The following SIGIRR variants were observed in gnomAD, a reference collection of about 807,000 sequenced individuals.
SIGIRR encodes the protein single Ig IL-1-related receptor.
A neutral mutation model predicts 45.6 loss-of-function variants in SIGIRR; 41 were observed. The observed-to-expected ratio is 0.90, with a 90% CI of 0.70 to 1.17. SIGIRR has a LOEUF of 1.17. SIGIRR is among the 50% of genes most tolerant of loss of function. The probability of loss-of-function intolerance (pLI) is 0.00; values close to 1 mark genes in which losing one functional copy is unlikely to be tolerated. For synonymous variants in SIGIRR, 298 were observed against 239.0 expected (o/e 1.25, Z -2.28); for missense variants, 599 against 539.6 (o/e 1.11, Z -1.09).
rs777341952 is a variant in SIGIRR, at chr11:408,925, G to A, written c.8-32C>T. On this transcript the variant is annotated intron_variant, in intron 2 of 9. Coordinates refer to ENST00000431843, the MANE Select transcript of SIGIRR (RefSeq NM_001135054.2). The stretch of plus-strand genomic sequence containing the variant: ...AGAGAGGACACAGTGGGTCAGCTGT[G>A]CCAGGGTGCCTGGCCCCACCACCTC... The A allele has an allele frequency of 3.7e-6, 6 of 1,605,582 alleles. No individual in the cohort carries two copies. In the East Asian group the frequency reaches 1.1e-4, roughly 30 times the overall value.
chr11:407,660 A>G, intron 5 of SIGIRR, 92 bp from the exon 6 acceptor site: 1 of 1,557,752 alleles, frequency 6.4e-7, no homozygotes, highest in Non-Finnish European at 8.7e-7. Context: ...CCACGTGCAC[A>G]GGGGCAGACC....
upstream of SIGIRR, among the ~76,000 whole-genome samples, chr11:415,269 G>A (rs1847850944): frequency 6.6e-6 from 1 of 150,684 alleles, no homozygotes; most frequent in South Asian, 2.1e-4. The surrounding 1 kb of genome is among the most constrained non-coding windows in gnomAD (Gnocchi z 6.6). Context: ...CTGCGTGTGT[G>A]CAATGTGTGT....
Position 411,672 on chromosome 11 carries a change from C to T in SIGIRR, c.-153-1645G>A, listed in dbSNP as rs138374252. ...AGCTCTGACCATGTCTGGATACAGT[C>T]GGTGGGGGTTGCCCAGCTCTGACCA... is the stretch of plus-strand genomic sequence containing the variant. On this transcript the variant is annotated intron_variant, in intron 1 of 9. Coordinates refer to ENST00000431843, the MANE Select transcript of SIGIRR (RefSeq NM_001135054.2). 9.2e-3 allele frequency among the ~76,000 whole-genome samples: 767 copies of T among 83,058 alleles called. 29 individuals carry two copies. The highest frequency in any genetic ancestry group is 0.029 in the Middle Eastern group (2 of 70). 54.5% of individuals were successfully genotyped at this position (83,058 alleles called of 152,430 possible).
chr11:411,699 G>A (rs1477356843), intron 1 of SIGIRR, among the ~76,000 whole-genome samples: 3 of 78,252 alleles, frequency 3.8e-5, no homozygotes, highest in African/African-American at 1.5e-4. Flanking sequence ...CTCTGACCAT[G>A]TCTGGATACA....
Position 406,486 on chromosome 11 carries a change from A to G in SIGIRR, c.932T>C (p.Val311Ala), listed in dbSNP as rs1847309229. 9.3e-6 allele frequency: 15 copies of G among 1,611,960 alleles called. No homozygotes were observed. Among genetic ancestry groups the G allele is most frequent in the Non-Finnish European group, 1.2e-5 (14 of 1,179,482 alleles). ...GTCTCCTTCCACAGGCCTGTACTGC[A>G]CCTTCCGCGGCAGCGCCAGCTGCAC... is the stretch of plus-strand genomic sequence containing the variant. ...KEVQLALPRKVQYRPVEGDPQ... is the reference protein window; with the variant it reads ...KEVQLALPRKAQYRPVEGDPQ... Residue 311 changes from valine (V) to alanine (A), a missense_variant, in exon 9 of 10, where the codon GTG becomes GCG. Transcript: ENST00000431843.
At chr11:409,700 T>G in intron 2 of SIGIRR, 168 bp downstream of exon 2, 2 of 675,810 alleles carry the variant, frequency 3.0e-6, no homozygotes, top group South Asian at 4.3e-5. Context: ...CTCGCCCTGG[T>G]TTCAGGGCCA....
chr11:409,737 G>T, intron 2 of SIGIRR, 131 bp downstream of exon 2: 17 of 1,053,866 alleles, frequency 1.6e-5, no homozygotes, highest in Non-Finnish European at 2.2e-5. Context: ...GGTGAGCAGG[G>T]GCCTTTGTAC....
chr11:409,850 C>T lies in SIGIRR; in HGVS notation c.7+18G>A. 7.5e-7 allele frequency: 1 copy of T among 1,340,062 alleles called. No individual in the cohort carries two copies. Among genetic ancestry groups the T allele is most frequent in the Non-Finnish European group, 9.6e-7 (1 of 1,039,938 alleles). 83.0% of individuals were successfully genotyped at this position (1,340,062 alleles called of 1,614,324 possible). A position where few individuals can be genotyped will look rare whatever the true frequency, so the allele number is the denominator to read the frequency against. The stretch of plus-strand genomic sequence containing the variant: ...TGGGAGTGGGGAATTCAAGCCCATC[C>T]CTCTCTGACCTGCCTACCTGGCATG... On this transcript the variant is annotated intron_variant, in intron 2 of 9. Transcript: ENST00000431843.
At position 406,456 on chromosome 11, in the gene SIGIRR, TG is replaced by T. The variant is rs1170458074; in HGVS notation, c.961del (p.Gln321ArgfsTer12). On this transcript the variant is annotated frameshift_variant, in exon 9 of 10. Coordinates refer to ENST00000431843, the MANE Select transcript of SIGIRR (RefSeq NM_001135054.2). LOFTEE classifies it high-confidence loss of function. ...VQYRPVEGDP[Q>X]TQLQDDKDPM... Reference sequence around the variant, plus strand: ...GTCCTTGTCGTCCTGCAGCTGCGTCTGGGGGTCTCCTTCCACAGGCCTGTAC... The same window carrying T: ...GTCCTTGTCGTCCTGCAGCTGCGTCTGGGGTCTCCTTCCACAGGCCTGTAC... 6.2e-7 allele frequency: 1 copy of T among 1,612,508 alleles called. No individual in the cohort carries two copies. Among genetic ancestry groups the T allele is most frequent in the African/African-American group, 1.3e-5 (1 of 74,938 alleles).
chr11:410,145 G>T, intron 1 of SIGIRR, 118 bp from the exon 2 acceptor site: 1 of 934,108 alleles, frequency 1.1e-6, no homozygotes, highest in Non-Finnish European at 1.4e-6. Flanking sequence ...CATGGATGCT[G>T]GCAGAGTTCT....
intron 1 of SIGIRR, among the ~76,000 whole-genome samples, chr11:413,152 C>T (rs1847748061): frequency 6.6e-6 from 1 of 152,158 alleles, no homozygotes; most frequent in Non-Finnish European, 1.5e-5. Context: ...ACCCCAGCTC[C>T]CTCAGGATTC....
Position 407,113 on chromosome 11 carries a change from A to ATC in SIGIRR, c.676_677insGA (p.Val226GlyfsTer9). 2 of 1,524,614 alleles carry ATC rather than the reference A, an allele frequency of 1.3e-6. No homozygotes were observed. Among genetic ancestry groups the ATC allele is most frequent in the South Asian group, 1.3e-5 (1 of 79,356 alleles). The allele number at this position is 1,524,614 out of a possible 1,614,324, so 94.4% of individuals were successfully genotyped here. On this transcript the variant is annotated frameshift_variant, in exon 7 of 10. Transcript: ENST00000431843. LOFTEE classifies it high-confidence loss of function. The stretch of plus-strand genomic sequence containing the variant: ...GCTCAGGAAGGCGTCCGAAAGCACC[A>ATC]CGATGAGGCGTCGGCAGCGGCTCAG...
intron 2 of SIGIRR, chr11:409,195 GC>G: frequency 2.0e-6 from 1 of 497,440 alleles, no homozygotes; most frequent in Non-Finnish European, 3.7e-6. Flanking sequence ...TGTGAGTCCA[GC>G]CCCCCATTTC....
rs754735971 is a variant in SIGIRR at position 408,686 on chromosome 11, G to C, written c.206+9C>G. 9.3e-6 allele frequency: 15 copies of C among 1,612,402 alleles called. No individual in the cohort carries two copies. The highest frequency in any genetic ancestry group is 5.1e-6 in the Non-Finnish European group (6 of 1,179,852). On this transcript the variant is annotated intron_variant, in intron 3 of 9. Transcript: ENST00000431843. ...GGTCACTCTGACCCTGGATACCCGG[G>C]TCTCTTACCAGGAGTACTCGTGGAG... is the stretch of plus-strand genomic sequence containing the variant.
upstream of SIGIRR, among the ~76,000 whole-genome samples, chr11:416,742 G>A (rs1180767237): frequency 6.6e-6 from 1 of 152,158 alleles, no homozygotes; most frequent in Non-Finnish European, 1.5e-5. The surrounding 1 kb of genome is among the most constrained non-coding windows in gnomAD (Gnocchi z 9.1). Context: ...CGCAGGCCGA[G>A]GGGCTCTGGT....
chr11:406,160 G>C, intron 9 of SIGIRR, 101 bp from the exon 10 acceptor site: 1 of 1,537,844 alleles, frequency 6.5e-7, no homozygotes, highest in South Asian at 1.2e-5. Context: ...GTGATGGCCT[G>C]TGAGGCCCAG....
chr11:405,855 G>A lies in SIGIRR; in HGVS notation c.*41C>T, dbSNP rs1847263203. 1.3e-6 allele frequency: 2 copies of A among 1,549,570 alleles called. No homozygotes were observed. Among genetic ancestry groups the A allele is most frequent in the Middle Eastern group, 1.7e-4 (1 of 5,730 alleles). ...AGCAGAGGAGCGACGCCGCTGCCCT[G>A]GCCCCCGCTGTCCCTATGATCCTGC... On this transcript the variant is annotated 3_prime_UTR_variant, in exon 10 of 10. Coordinates refer to ENST00000431843, the MANE Select transcript of SIGIRR (RefSeq NM_001135054.2).
At position 406,956 on chromosome 11, in the gene SIGIRR, G is replaced by A; in HGVS notation, c.766C>T (p.Pro256Ser). The A allele has an allele frequency of 2.5e-6, 4 of 1,602,086 alleles. No homozygotes were observed. The highest frequency in any genetic ancestry group is 3.4e-6 in the Non-Finnish European group (4 of 1,177,774). ...LCRLLELTRR[P>S]IFITFEGQRR... ...TGGCCCTCGAAGGTGATGAAGATGGGTCTGCGGGTGAGCTCCAGCAGCCGG... is the reference window on the plus strand; with the variant it reads ...TGGCCCTCGAAGGTGATGAAGATGGATCTGCGGGTGAGCTCCAGCAGCCGG... The change falls in exon 8 of 10, where the codon CCC becomes TCC. Residue 256 changes from proline (P) to serine (S), a missense_variant. Pro to Ser is a moderately conservative substitution (Grantham distance 74). Transcript: ENST00000431843.
intron 6 of SIGIRR, 62 bp from the exon 7 acceptor site, chr11:407,226 T>C (rs2133619771): frequency 9.8e-6 from 7 of 712,762 alleles, no homozygotes; most frequent in Admixed American, 1.0e-4. Context: ...GGCCGGAGGC[T>C]CAGGGGCGGT....
Sources: allele counts gnomAD v4.1 joint callset (sites outside exome capture counted in the v4.1 genomes callset), GRCh38; gene constraint gnomAD v4.1.1; non-coding constraint Gnocchi (gnomAD v3.1); transcripts MANE v1.5; gene names NCBI Gene and HGNC (gene_info 2026-07-23, HGNC 2026-07-21).